Variants in POLR3B observed in about 807,000 individuals in gnomAD.
POLR3B encodes RNA polymerase III subunit B.
A neutral mutation model predicts 147.4 loss-of-function variants in POLR3B; 96 were observed. The observed-to-expected ratio is 0.65, with a 90% CI of 0.55 to 0.77. The LOEUF is 0.77. Among genes scored for constraint, POLR3B ranks in the 30% least tolerant of loss-of-function variants. POLR3B has a pLI of 0.00. For missense variants in POLR3B, 1,036 were observed against 1,413.5 expected (o/e 0.73, Z 4.28); for synonymous variants, 461 against 485.9 (o/e 0.95, Z 0.67).
chr12:106,451,341 A>G (rs2037792566), intron 19 of POLR3B, among the ~76,000 whole-genome samples: 1 of 152,082 alleles, frequency 6.6e-6, no homozygotes, highest in Non-Finnish European at 1.5e-5. Context: ...TTAAAAGAAA[A>G]TTGAGGCCAG....
chr12:106,458,656 C>G (rs2037895320), intron 21 of POLR3B, among the ~76,000 whole-genome samples: 1 of 152,110 alleles, frequency 6.6e-6, no homozygotes, highest in Admixed American at 6.6e-5. Flanking sequence ...CAAAGAGACA[C>G]AGAGTACGCG....
At chr12:106,393,280 G>A in intron 10 of POLR3B, 127 bp downstream of exon 10, 1 of 1,363,766 alleles carries the variant, frequency 7.3e-7, no homozygotes, top group South Asian at 1.2e-5. Context: ...GGGAGATATG[G>A]GAGGAGTGAA....
intron 12 of POLR3B, among the ~76,000 whole-genome samples, chr12:106,422,758 C>T (rs1253988683): frequency 6.6e-6 from 1 of 152,076 alleles, no homozygotes; most frequent in Non-Finnish European, 1.5e-5. Flanking sequence ...AGTACCTTTA[C>T]CTTTTTTAGG....
chr12:106,412,227 TA>T (rs1366937316), intron 12 of POLR3B, among the ~76,000 whole-genome samples: 1 of 152,144 alleles, frequency 6.6e-6, no homozygotes, highest in Non-Finnish European at 1.5e-5. Flanking sequence ...GTTTTTTTTT[TA>T]AGACCCTCTG....
intron 16 of POLR3B, among the ~76,000 whole-genome samples, chr12:106,435,808 G>T (rs2037569326): frequency 6.6e-6 from 1 of 152,080 alleles, no homozygotes; most frequent in Non-Finnish European, 1.5e-5. Context: ...TCTTTTTTAG[G>T]ATTTCATTAC....
At chr12:106,359,046 T>C (rs2036429287) in intron 1 of POLR3B, among the ~76,000 whole-genome samples, 1 of 152,172 alleles carries the variant, frequency 6.6e-6, no homozygotes, top group Non-Finnish European at 1.5e-5. Context: ...GGCAAAACCC[T>C]GTTTCTACAA....
chr12:106,502,204 G>C (rs1032303286), intron 26 of POLR3B, among the ~76,000 whole-genome samples: 1 of 152,052 alleles, frequency 6.6e-6, no homozygotes, highest in Non-Finnish European at 1.5e-5. Flanking sequence ...GAGAGGCCAG[G>C]GATGCTGCAA....
chr12:106,403,591 A>C (rs1482364515), intron 10 of POLR3B, among the ~76,000 whole-genome samples: 1 of 152,182 alleles, frequency 6.6e-6, no homozygotes, highest in Non-Finnish European at 1.5e-5. Context: ...CTGGATTAAG[A>C]AAATGTGGCA....
chr12:106,379,038 C>T (rs1362959880), intron 8 of POLR3B, among the ~76,000 whole-genome samples: 1 of 152,136 alleles, frequency 6.6e-6, no homozygotes, highest in Non-Finnish European at 1.5e-5. Flanking sequence ...AATTTCTGTA[C>T]TTTTCTTTCT....
At chr12:106,412,394 G>A (rs1303967502) in intron 12 of POLR3B, among the ~76,000 whole-genome samples, 1 of 152,066 alleles carries the variant, frequency 6.6e-6, no homozygotes, top group Non-Finnish European at 1.5e-5. Context: ...TAGCTGTTGA[G>A]GTAGCTCAGA....
intron 11 of POLR3B, chr12:106,410,501 T>G: frequency 3.0e-6 from 1 of 329,582 alleles, no homozygotes. Context: ...AGCTGTATTC[T>G]CTTGGTTAAA....
intron 12 of POLR3B, among the ~76,000 whole-genome samples, chr12:106,415,516 C>G (rs2037289488): frequency 6.6e-6 from 1 of 152,136 alleles, no homozygotes; most frequent in Non-Finnish European, 1.5e-5. Flanking sequence ...GTATAAAGCA[C>G]TAGCATGCTC....
intron 3 of POLR3B, 41 bp downstream of exon 3, chr12:106,366,613 A>G: frequency 1.3e-6 from 2 of 1,598,062 alleles, no homozygotes; most frequent in Non-Finnish European, 1.7e-6. Flanking sequence ...ACTAAGGATT[A>G]ATTGGAAGCC....
chr12:106,376,477 C>T (rs761419463), intron 7 of POLR3B, 27 bp downstream of exon 7: 4 of 1,470,724 alleles, frequency 2.7e-6, no homozygotes, highest in Non-Finnish European at 3.8e-6. Flanking sequence ...GGATTTGTCC[C>T]ACTTTCCTTA....
Position 106,423,876 on chromosome 12 carries a change from G to C in POLR3B, c.1102-3321G>C, listed in dbSNP as rs115056572. 1.9e-3 allele frequency among the ~76,000 whole-genome samples: 279 copies of C among 150,136 alleles called. 1 individual carries two copies. The highest frequency in any genetic ancestry group is 6.6e-3 in the African/African-American group (270 of 40,904). On this transcript the variant is annotated intron_variant, in intron 12 of 27. Coordinates refer to ENST00000228347, the MANE Select transcript of POLR3B (RefSeq NM_018082.6). Reference sequence around the variant, plus strand: ...GGTGTCTTTTTTTTTTTTTCCTCGGGACAAGAGTCTTGCTCTGTTGCCCAG... The same window carrying C: ...GGTGTCTTTTTTTTTTTTTCCTCGGCACAAGAGTCTTGCTCTGTTGCCCAG...
At chr12:106,405,178 A>G (rs1422650586) in intron 10 of POLR3B, among the ~76,000 whole-genome samples, 1 of 152,058 alleles carries the variant, frequency 6.6e-6, no homozygotes, top group Non-Finnish European at 1.5e-5. Context: ...TTTTTCTTTC[A>G]ATCCTGTTTT....
At chr12:106,457,035 G>A (rs999694433) in intron 20 of POLR3B, 103 bp from the exon 21 acceptor site, 28 of 942,728 alleles carry the variant, frequency 3.0e-5, no homozygotes, top group Middle Eastern at 2.4e-4. Flanking sequence ...TTTGGGATTT[G>A]GGGGAGGGTG....
chr12:106,469,284 T>TTG (rs1407967844), intron 23 of POLR3B, among the ~76,000 whole-genome samples: 4 of 151,270 alleles, frequency 2.6e-5, no homozygotes, highest in African/African-American at 7.3e-5. Context: ...TTTTTTTTTT[T>TTG]TGCTTTCCAT....
chr12:106,411,006 A>T, intron 12 of POLR3B, 46 bp downstream of exon 12: 3 of 1,578,836 alleles, frequency 1.9e-6, no homozygotes, highest in Non-Finnish European at 2.6e-6. Flanking sequence ...CTTAATGAAA[A>T]TTAATTTGGT....
Sources: allele counts gnomAD v4.1 joint callset (sites outside exome capture counted in the v4.1 genomes callset), GRCh38; gene constraint gnomAD v4.1.1; transcripts MANE v1.5; gene names NCBI Gene and HGNC (gene_info 2026-07-23, HGNC 2026-07-21).